Variants in PHACTR2 observed in about 807,000 individuals in gnomAD.
PHACTR2 encodes phosphatase and actin regulator 2.
A neutral mutation model predicts 76.0 loss-of-function variants in PHACTR2; 30 were observed. The observed-to-expected ratio is 0.39, with a 90% confidence interval of 0.30 to 0.54. The LOEUF (loss-of-function observed/expected upper bound fraction) is 0.54. Ranked by LOEUF, PHACTR2 falls within the 20% of genes least tolerant of loss-of-function variation. The pLI is 0.61. For missense variants in PHACTR2, 696 were observed against 781.1 expected (o/e 0.89, Z 1.30); for synonymous variants, 292 against 292.5 (o/e 1.00, Z 0.02).
intron 2 of PHACTR2, among the ~76,000 whole-genome samples, chr6:143,725,664 G>A (rs113506742): frequency 2.2e-4 from 33 of 151,608 alleles, no homozygotes; most frequent in South Asian, 6.3e-4. Context: ...GTGAAACCCC[G>A]TCTCTACGAA....
rs1302749836 is a variant in PHACTR2 at position 143,659,826 on chromosome 6, G to C, written c.13+51504G>C. On this transcript the variant is annotated intron_variant, in intron 1 of 11. Transcript: ENST00000305766. The surrounding 1 kb of genome is among the most constrained non-coding windows in gnomAD (Gnocchi z 5.0). ...CTTCCAGTTTGTTCATCCATACACA[G>C]TGATTTGTCAGGTAATGAATGTTCC... Among the ~76,000 whole-genome samples, 1 of 152,148 alleles carries C rather than the reference G, an allele frequency of 6.6e-6. No homozygotes were observed.
Position 143,598,711 on chromosome 6 carries a change from T to A in PHACTR2, c.217+61504T>A, listed in dbSNP as rs984572162. On this transcript the variant is annotated intron_variant, in intron 1 of 11. Transcript: ENST00000367584. The surrounding 1 kb of genome is among the most constrained non-coding windows in gnomAD (Gnocchi z 4.1). ...CTGGTTAACCTTGACTGTTATCCAG[T>A]GCCTTTCCTGGCTTTGTCCTTCGTA... Among the ~76,000 whole-genome samples, 13 of 152,344 alleles carry A rather than the reference T, an allele frequency of 8.5e-5. No individual in the cohort carries two copies. Among genetic ancestry groups the A allele is most frequent in the Non-Finnish European group, 1.8e-4 (12 of 68,024 alleles).
chr6:143,827,864 T>A lies in PHACTR2; in HGVS notation c.*4175T>A, dbSNP rs1776578238. On this transcript the variant is annotated 3_prime_UTR_variant, in exon 13 of 13. Transcript: ENST00000440869. ...TAACTAAAATATGTCCTATATTGGC[T>A]GGGTGCGGTGGCTTACACCTGTAAT... The A allele has an allele frequency of 6.6e-6, 1 of 152,110 alleles. No individual in the cohort carries two copies. The highest frequency in any genetic ancestry group is 2.4e-5 in the African/African-American group (1 of 41,420). 9.4% of individuals were successfully genotyped at this position (152,110 alleles called of 1,614,324 possible). A position where few individuals can be genotyped will look rare whatever the true frequency, so the allele number is the denominator to read the frequency against.
At position 143,807,872 on chromosome 6, in the gene PHACTR2, G is replaced by A. The variant is rs147682183; in HGVS notation, c.1922+739G>A. ...CTGGTGCCACTGTTCCTGCAGTCCC[G>A]GTGATGATGGTACTGTGTGCTGGGA... On this transcript the variant is annotated intron_variant, in intron 12 of 12. Transcript: ENST00000440869. This position sits in a 1 kb window ranked among gnomAD's most constrained non-coding sequence, Gnocchi z 5.5. Among the ~76,000 whole-genome samples the A allele has an allele frequency of 7.5e-3, 1,134 of 152,212 alleles. 14 individuals carry two copies. The highest frequency in any genetic ancestry group is 0.026 in the African/African-American group (1,076 of 41,522).
rs530406720 is a variant in PHACTR2 at position 143,623,077 on chromosome 6, G to T, written c.13+14755G>T. Among the ~76,000 whole-genome samples the T allele has an allele frequency of 2.0e-5, 3 of 152,196 alleles. No individual in the cohort carries two copies. The East Asian group carries it at 5.8e-4, about 29-fold the overall frequency. On this transcript the variant is annotated intron_variant, in intron 1 of 11. Coordinates refer to the PHACTR2 transcript ENST00000305766. The surrounding 1 kb of genome is among the most constrained non-coding windows in gnomAD (Gnocchi z 5.9). ...CACTGATGTCAAATATGCCGGTGAAGAGTTTGAATAAAATGTTTTCAGGAA... is the reference window on the plus strand; with the variant it reads ...CACTGATGTCAAATATGCCGGTGAATAGTTTGAATAAAATGTTTTCAGGAA...
At chr6:143,603,442 C>T (rs992152100), upstream of PHACTR2, among the ~76,000 whole-genome samples, 4 of 151,302 alleles carry the variant, frequency 2.6e-5, no homozygotes, top group Admixed American at 2.6e-4. Flanking sequence ...ATCAGGCACA[C>T]TCCAAGGACC....
In PHACTR2 at chr6:143,787,863, C is replaced by G. The variant is rs1775590072; in HGVS notation, c.1708-910C>G. On this transcript the variant is annotated intron_variant, in intron 10 of 12. Transcript: ENST00000440869. The surrounding 1 kb of genome is among the most constrained non-coding windows in gnomAD (Gnocchi z 4.6). ...GAGAGGAAATATATGAAAATGGGCC[C>G]TATGGCTACAATAGAGGTCTAAGTC... 6.6e-6 allele frequency among the ~76,000 whole-genome samples: 1 copy of G among 152,122 alleles called. No homozygotes were observed. Among genetic ancestry groups the G allele is most frequent in the South Asian group, 2.1e-4 (1 of 4,826 alleles).
At chr6:143,566,802 G>A (rs572936523) in intron 1 of PHACTR2, among the ~76,000 whole-genome samples, 26 of 149,630 alleles carry the variant, frequency 1.7e-4, no homozygotes, top group Non-Finnish European at 3.0e-4. Context: ...AAATATTTCA[G>A]CATGTAATAC....
chr6:143,603,519 A>G (rs546941160), upstream of PHACTR2, among the ~76,000 whole-genome samples: 1 of 152,332 alleles, frequency 6.6e-6, no homozygotes, highest in South Asian at 2.1e-4. Flanking sequence ...ACCTTACATC[A>G]GAAGAGAAAC....
chr6:143,808,208 C>A (rs1776104937), intron 12 of PHACTR2, among the ~76,000 whole-genome samples: 1 of 150,590 alleles, frequency 6.6e-6, no homozygotes, highest in South Asian at 2.1e-4. Flanking sequence ...CAGCTTACTG[C>A]AACCTCCACC....
At position 143,659,915 on chromosome 6, in the gene PHACTR2, T is replaced by G. The variant is rs1776917737; in HGVS notation, c.13+51593T>G. Among the ~76,000 whole-genome samples, 1 of 152,166 alleles carries G rather than the reference T, an allele frequency of 6.6e-6. No individual in the cohort carries two copies. The highest frequency in any genetic ancestry group is 2.1e-4 in the South Asian group (1 of 4,836). On this transcript the variant is annotated intron_variant, in intron 1 of 11. Transcript: ENST00000305766. The surrounding 1 kb of genome is among the most constrained non-coding windows in gnomAD (Gnocchi z 5.0). ...TTTTTAAACAAAAGACAAAGGCCAG[T>G]AACATTAAAAGAGAAGTTGAACAGA...
In PHACTR2 at chr6:143,672,126, A is replaced by T. The variant is rs7772898; in HGVS notation, c.14-39890A>T. On this transcript the variant is annotated intron_variant, in intron 1 of 11. Transcript: ENST00000305766. The surrounding 1 kb of genome is among the most constrained non-coding windows in gnomAD (Gnocchi z 5.8). Reference sequence around the variant, plus strand: ...AAGGACATGATGGAATACCTTAGGGATCTCAAAGTTTTCTGACACTTGAGT... The same window carrying T: ...AAGGACATGATGGAATACCTTAGGGTTCTCAAAGTTTTCTGACACTTGAGT... 0.55 allele frequency among the ~76,000 whole-genome samples: 83,703 copies of T among 151,766 alleles called. 24,025 individuals carry two copies. The highest frequency in any genetic ancestry group is 0.74 in the African/African-American group (30,401 of 41,334).
In PHACTR2 at chr6:143,591,917, A is replaced by G. The variant is rs183868155; in HGVS notation, c.217+54710A>G. Among the ~76,000 whole-genome samples the G allele has an allele frequency of 7.0e-4, 107 of 152,312 alleles. No individual in the cohort carries two copies. The highest frequency in any genetic ancestry group is 2.5e-3 in the African/African-American group (104 of 41,562). ...TTTCCTGGGCCACTTCCCTAGATCT[A>G]TTTTTAGGAGATTGAAGGCAGATTG... is the stretch of plus-strand genomic sequence containing the variant. On this transcript the variant is annotated intron_variant, in intron 1 of 11. Transcript: ENST00000367584. This position sits in a 1 kb window ranked among gnomAD's most constrained non-coding sequence, Gnocchi z 6.4.
intron 10 of PHACTR2, among the ~76,000 whole-genome samples, chr6:143,788,120 A>AAGGTTGGAGTTGATTT (rs1775595150): frequency 6.6e-6 from 1 of 152,206 alleles, no homozygotes; most frequent in Non-Finnish European, 1.5e-5. Context: ...AAGTATCTTA[A>AAGGTTGGAGTTGATTT]AGGTTGGAGT....
Position 143,823,633 on chromosome 6 carries a change from C to T in PHACTR2, c.1923-41C>T. On this transcript the variant is annotated intron_variant, in intron 12 of 12. Transcript: ENST00000440869. This position sits in a 1 kb window ranked among gnomAD's most constrained non-coding sequence, Gnocchi z 5.7. The stretch of plus-strand genomic sequence containing the variant: ...TTCAGCTCACTGCATGCAGAATGTG[C>T]TCCTAGGCCACAGGCTTATAGTTTC... 2 of 1,579,808 alleles carry T rather than the reference C, an allele frequency of 1.3e-6. No homozygotes were observed. Among genetic ancestry groups the T allele is most frequent in the Non-Finnish European group, 8.7e-7 (1 of 1,149,624 alleles).
At chr6:143,629,566 G>A (rs1776324785) in intron 1 of PHACTR2, among the ~76,000 whole-genome samples, 1 of 152,132 alleles carries the variant, frequency 6.6e-6, no homozygotes, top group Non-Finnish European at 1.5e-5. Context: ...TGAGAACTGT[G>A]GGTGTGAGTA....
At chr6:143,741,632 C>T (rs751225870) in intron 2 of PHACTR2, among the ~76,000 whole-genome samples, 4 of 152,064 alleles carry the variant, frequency 2.6e-5, no homozygotes, top group African/African-American at 4.8e-5. Flanking sequence ...GGTGAAATTG[C>T]GACAGTAATT....
intron 2 of PHACTR2, among the ~76,000 whole-genome samples, chr6:143,728,014 G>C (rs1778612428): frequency 6.8e-6 from 1 of 146,048 alleles, no homozygotes; most frequent in South Asian, 2.2e-4. Context: ...GAAATAAAAG[G>C]CATCCAGAAT....
At chr6:143,626,362 C>G (rs904624964) in intron 1 of PHACTR2, among the ~76,000 whole-genome samples, 1 of 151,902 alleles carries the variant, frequency 6.6e-6, no homozygotes, top group African/African-American at 2.4e-5. Flanking sequence ...ACGGTGAAAC[C>G]CCGTCTCTAC....
Sources: gnomAD v4.1 joint callset for allele counts (sites outside exome capture counted in the v4.1 genomes callset) on GRCh38, gnomAD v4.1.1 for gene constraint, Gnocchi (gnomAD v3.1) non-coding constraint, MANE v1.5 for transcripts, NCBI Gene and HGNC (gene_info 2026-07-23, HGNC 2026-07-21) for gene names.